SPOCK3: variants seen among roughly 807,000 people sequenced by gnomAD.
The protein encoded by SPOCK3 is SPARC (osteonectin), cwcv and kazal like domains proteoglycan 3.
SPOCK3 carries 30 observed loss-of-function variants against 56.6 expected under a neutral mutation model. The ratio of observed to expected loss-of-function variants is 0.53; its 90% CI spans 0.40 to 0.72. The LOEUF (loss-of-function observed/expected upper bound fraction) is 0.72. Ranked by LOEUF, SPOCK3 falls within the 30% of genes least tolerant of loss-of-function variation. The pLI is 0.00. For missense variants in SPOCK3, 527 were observed against 530.0 expected (o/e 0.99, Z 0.06); for synonymous variants, 196 against 183.3 (o/e 1.07, Z -0.56).
chr4:166,742,226 CTATCTAT>C (rs1734924899), intron 8 of SPOCK3, among the ~76,000 whole-genome samples, 167 bp from the exon 9 acceptor site: 1 of 89,680 alleles, frequency 1.1e-5, no homozygotes, highest in Non-Finnish European at 2.3e-5. Context: ...ATACATGTGT[CTATCTAT>C]CATCTATCTA....
intron 2 of SPOCK3, among the ~76,000 whole-genome samples, chr4:167,128,903 G>T (rs1010387821): frequency 2.0e-5 from 3 of 152,078 alleles, no homozygotes; most frequent in Non-Finnish European, 4.4e-5. Flanking sequence ...TGATGGATGG[G>T]GTTTATTGTA....
At chr4:167,124,633 TAA>T (rs2150369658) in intron 2 of SPOCK3, among the ~76,000 whole-genome samples, 1 of 149,820 alleles carries the variant, frequency 6.7e-6, no homozygotes, top group African/African-American at 2.4e-5. Flanking sequence ...AGCTTTCTAT[TAA>T]GTTTGCCTTA....
chr4:167,175,947 C>A (rs1730946142), intron 2 of SPOCK3, among the ~76,000 whole-genome samples: 2 of 152,100 alleles, frequency 1.3e-5, no homozygotes, highest in Admixed American at 6.6e-5. Context: ...TTAACCCATG[C>A]AAATTAATAT....
chr4:166,954,357 T>G (rs1314842566), intron 4 of SPOCK3, among the ~76,000 whole-genome samples: 2 of 152,192 alleles, frequency 1.3e-5, no homozygotes, highest in East Asian at 3.8e-4. Context: ...TTTGAGGTCT[T>G]ATTCAAAACA....
chr4:167,024,711 G>A (rs1234561947), intron 3 of SPOCK3, among the ~76,000 whole-genome samples: 1 of 151,990 alleles, frequency 6.6e-6, no homozygotes, highest in Non-Finnish European at 1.5e-5. Context: ...AGGGTGGGAG[G>A]TGGGCAAGGG....
intron 3 of SPOCK3, among the ~76,000 whole-genome samples, chr4:167,053,077 T>G (rs546698978): frequency 1.7e-4 from 26 of 152,160 alleles, no homozygotes; most frequent in African/African-American, 6.3e-4. Context: ...CTGTGAATGT[T>G]ATTATATGTG....
At chr4:166,783,223 G>A (rs988105102) in intron 7 of SPOCK3, among the ~76,000 whole-genome samples, 1 of 152,154 alleles carries the variant, frequency 6.6e-6, no homozygotes, top group Non-Finnish European at 1.5e-5. Context: ...GCCAGGCATG[G>A]TGGCACATGC....
chr4:167,004,412 T>C (rs1749259968), intron 3 of SPOCK3, among the ~76,000 whole-genome samples: 1 of 152,168 alleles, frequency 6.6e-6, no homozygotes, highest in African/African-American at 2.4e-5. Context: ...AATGCTCATA[T>C]CGCCTGTGAG....
At chr4:167,004,442 C>T (rs529447989) in intron 3 of SPOCK3, among the ~76,000 whole-genome samples, 5 of 152,206 alleles carry the variant, frequency 3.3e-5, no homozygotes, top group Admixed American at 2.0e-4. Context: ...AAACACTGAA[C>T]AGGGAGATGG....
At chr4:167,080,031 G>A (rs1257725889) in intron 2 of SPOCK3, among the ~76,000 whole-genome samples, 1 of 151,972 alleles carries the variant, frequency 6.6e-6, no homozygotes, top group Non-Finnish European at 1.5e-5. Flanking sequence ...CTGGGGGGAG[G>A]AGGTAATCTC....
chr4:167,102,761 CGCCACCATG>C (rs944574239), intron 2 of SPOCK3, among the ~76,000 whole-genome samples: 1 of 151,934 alleles, frequency 6.6e-6, no homozygotes, highest in Admixed American at 6.6e-5. Context: ...TGTCAAACCT[CGCCACCATG>C]GCCAAATAAA....
intron 4 of SPOCK3, among the ~76,000 whole-genome samples, chr4:166,999,484 T>A (rs1056435458): frequency 6.6e-6 from 1 of 152,208 alleles, no homozygotes; most frequent in Non-Finnish European, 1.5e-5. Flanking sequence ...AGAATTTATA[T>A]GCAAGTACAC....
chr4:166,898,155 T>C (rs542183387), intron 5 of SPOCK3, among the ~76,000 whole-genome samples: 20 of 152,250 alleles, frequency 1.3e-4, no homozygotes, highest in Non-Finnish European at 2.5e-4. Context: ...CCTGTGATTG[T>C]ATCACTGCAT....
chr4:167,067,518 G>T (rs549570674), intron 2 of SPOCK3, among the ~76,000 whole-genome samples: 1 of 151,896 alleles, frequency 6.6e-6, no homozygotes, highest in South Asian at 2.1e-4. Context: ...TGACAGTCCA[G>T]TTCTGGGTGG....
At chr4:167,161,946 C>T (rs973369494) in intron 2 of SPOCK3, among the ~76,000 whole-genome samples, 2 of 151,476 alleles carry the variant, frequency 1.3e-5, no homozygotes, top group Middle Eastern at 3.2e-3. Context: ...TGTTAAATGA[C>T]GAGTTAATAG....
intron 2 of SPOCK3, among the ~76,000 whole-genome samples, chr4:167,161,780 T>G (rs2150442012): frequency 6.7e-6 from 1 of 148,870 alleles, no homozygotes; most frequent in East Asian, 2.0e-4. Flanking sequence ...CTCAGCAAAC[T>G]ACCACAAGGA....
At chr4:166,926,748 A>C (rs1739152212) in intron 4 of SPOCK3, among the ~76,000 whole-genome samples, 1 of 152,146 alleles carries the variant, frequency 6.6e-6, no homozygotes, top group East Asian at 1.9e-4. Flanking sequence ...ATTTTTAGAC[A>C]AAAATCATCC....
At chr4:167,192,362 G>A (rs1732546367) in intron 2 of SPOCK3, among the ~76,000 whole-genome samples, 1 of 145,728 alleles carries the variant, frequency 6.9e-6, no homozygotes, top group Admixed American at 7.0e-5. Context: ...GAATTGGAAT[G>A]AAGTCTTTTT....
intron 2 of SPOCK3, among the ~76,000 whole-genome samples, chr4:167,125,839 C>G (rs1038966871): frequency 3.3e-5 from 5 of 152,172 alleles, no homozygotes; most frequent in Non-Finnish European, 7.3e-5. Flanking sequence ...TTTCTGATTG[C>G]TCTATCACCT....
Sources: gnomAD v4.1 joint callset for allele counts (sites outside exome capture counted in the v4.1 genomes callset) on GRCh38, gnomAD v4.1.1 for gene constraint, MANE v1.5 for transcripts, NCBI Gene and HGNC (gene_info 2026-07-23, HGNC 2026-07-21) for gene names.